The following TMEM120B variants were observed in gnomAD, a reference collection of about 807,000 sequenced individuals.
TMEM120B encodes transmembrane protein 120B.
Under a neutral mutation model 55.5 loss-of-function variants are expected in TMEM120B, and 31 were observed. The observed-to-expected ratio is 0.56, with a 90% confidence interval of 0.42 to 0.75. The LOEUF (loss-of-function observed/expected upper bound fraction) is 0.75, where lower values mean the gene tolerates loss of function less well. TMEM120B is among the 30% of genes least tolerant of loss of function. The pLI is 0.00. For synonymous variants in TMEM120B, 203 were observed against 176.3 expected (o/e 1.15, Z -1.20); for missense variants, 399 against 425.5 (o/e 0.94, Z 0.55).
chr12:121,774,147 G>T (rs1448382295), intron 9 of TMEM120B, among the ~76,000 whole-genome samples: 2 of 151,986 alleles, frequency 1.3e-5, no homozygotes, highest in Non-Finnish European at 2.9e-5. Context: ...GTAGAAATGG[G>T]GTTTCACCTT....
At chr12:121,716,562 TTTC>T (rs1894706722) in intron 1 of TMEM120B, among the ~76,000 whole-genome samples, 2 of 46,724 alleles carry the variant, frequency 4.3e-5, no homozygotes, top group African/African-American at 1.5e-4. Flanking sequence ...TTTTTTTTTC[TTTC>T]TTTTTTTTTT....
intron 9 of TMEM120B, 98 bp downstream of exon 9, chr12:121,773,611 A>T (rs1165230541): frequency 3.3e-6 from 3 of 900,378 alleles, no homozygotes; most frequent in Non-Finnish European, 4.9e-6. Flanking sequence ...CATACAGCGG[A>T]GCCAGGCCGC....
chr12:121,748,477 G>A (rs1873173601), intron 3 of TMEM120B, 35 bp downstream of exon 3: 1 of 1,443,536 alleles, frequency 6.9e-7, no homozygotes, highest in African/African-American at 1.4e-5. Context: ...CCTAGCACAG[G>A]CCCATGCCCA....
intron 2 of TMEM120B, 104 bp from the exon 3 acceptor site, chr12:121,748,222 A>AGAAGGTG (rs1873159896): frequency 1.2e-5 from 5 of 416,260 alleles, no homozygotes; most frequent in Non-Finnish European, 1.2e-5. Flanking sequence ...GGTAGAAGGT[A>AGAAGGTG]GGAGGCACTG....
intron 1 of TMEM120B, among the ~76,000 whole-genome samples, chr12:121,721,506 T>C (rs1894787688): frequency 6.6e-6 from 1 of 151,528 alleles, no homozygotes; most frequent in African/African-American, 2.4e-5. Context: ...AGTTTCACTC[T>C]TGTTGCCCAG....
intron 4 of TMEM120B, 47 bp from the exon 5 acceptor site, chr12:121,752,081 A>C (rs751335249): frequency 1.3e-6 from 2 of 1,530,280 alleles, no homozygotes; most frequent in South Asian, 2.3e-5. Flanking sequence ...CAGGTGCTGG[A>C]ATAGTCATGG....
intron 1 of TMEM120B, 107 bp from the exon 2 acceptor site, chr12:121,743,522 C>T: frequency 1.3e-6 from 1 of 788,356 alleles, no homozygotes; most frequent in East Asian, 2.7e-5. Context: ...CATGCCACTG[C>T]ACTCCAGCCT....
intron 6 of TMEM120B, among the ~76,000 whole-genome samples, chr12:121,765,398 G>A (rs1873816085): frequency 6.6e-6 from 1 of 152,132 alleles, no homozygotes; most frequent in Non-Finnish European, 1.5e-5. Flanking sequence ...CTGAAGTGCT[G>A]GGATTAGAGG....
chr12:121,718,351 A>C (rs1042024277), intron 1 of TMEM120B, among the ~76,000 whole-genome samples: 9 of 152,108 alleles, frequency 5.9e-5, no homozygotes, highest in Non-Finnish European at 1.2e-4. Flanking sequence ...AAACAAAAAA[A>C]AACCTTAGCT....
chr12:121,736,411 G>A (rs1456344501), intron 1 of TMEM120B, among the ~76,000 whole-genome samples: 18 of 150,306 alleles, frequency 1.2e-4, no homozygotes, highest in African/African-American at 2.7e-4. Context: ...CTTGTGATCC[G>A]CCCGCCTTGG....
rs1347342697 is a variant in TMEM120B, at chr12:121,775,966, G to C, written c.*244G>C. On this transcript the variant is annotated 3_prime_UTR_variant, in exon 12 of 12. Transcript: ENST00000449592. The surrounding 1 kb of genome is among the most constrained non-coding windows in gnomAD (Gnocchi z 4.3). ...CTGGAACCCGAGGCCTCACTCCTGT[G>C]CTTGAAGGTGGCTGAGGCCGGGCCA... 5 of 601,754 alleles carry C rather than the reference G, an allele frequency of 8.3e-6. No homozygotes were observed. The highest frequency in any genetic ancestry group is 1.5e-5 in the Non-Finnish European group (5 of 337,668). The allele number at this position is 601,754 out of a possible 1,614,324, so 37.3% of individuals were successfully genotyped here.
intron 5 of TMEM120B, chr12:121,758,850 C>T (rs1367562955): frequency 1.0e-6 from 1 of 977,736 alleles, no homozygotes; most frequent in African/African-American, 1.9e-5. Context: ...TTGTGGTCAC[C>T]ATAGAGGAGG....
chr12:121,739,798 CTTTTTTTTT>C (rs200085137), intron 1 of TMEM120B, among the ~76,000 whole-genome samples: 1 of 99,214 alleles, frequency 1.0e-5, no homozygotes, highest in Non-Finnish European at 1.9e-5. Context: ...TGCAACACTT[CTTTTTTTTT>C]TTTTTTTTTT....
intron 1 of TMEM120B, among the ~76,000 whole-genome samples, chr12:121,736,548 C>T (rs938752839): frequency 1.3e-5 from 2 of 150,984 alleles, no homozygotes; most frequent in Admixed American, 1.3e-4. Flanking sequence ...GCCACCATGC[C>T]CGGCCTTCTT....
At chr12:121,725,249 C>T (rs1162033442) in intron 1 of TMEM120B, among the ~76,000 whole-genome samples, 2 of 152,120 alleles carry the variant, frequency 1.3e-5, no homozygotes, top group Non-Finnish European at 2.9e-5. Flanking sequence ...GTGCCCCCAG[C>T]ACTCTAAGTT....
chr12:121,761,404 C>A (rs1007855129), intron 5 of TMEM120B, among the ~76,000 whole-genome samples: 2 of 152,178 alleles, frequency 1.3e-5, no homozygotes, highest in Non-Finnish European at 2.9e-5. Flanking sequence ...GGAGACTCAG[C>A]TGGAGCTTGA....
intron 3 of TMEM120B, 50 bp downstream of exon 3, chr12:121,748,492 T>C (rs1050242415): frequency 7.8e-7 from 1 of 1,280,970 alleles, no homozygotes; most frequent in East Asian, 2.4e-5. Flanking sequence ...TGCCCAGGCC[T>C]AGCACAGCTG....
At chr12:121,772,091 C>G (rs1874078766) in intron 8 of TMEM120B, among the ~76,000 whole-genome samples, 1 of 147,390 alleles carries the variant, frequency 6.8e-6, no homozygotes, top group Admixed American at 6.7e-5. Flanking sequence ...CTCTTTCTCT[C>G]TCTCTCTCTT....
intron 10 of TMEM120B, 65 bp downstream of exon 10, chr12:121,774,787 C>T (rs971759212): frequency 6.3e-5 from 97 of 1,550,302 alleles, no homozygotes; most frequent in East Asian, 1.4e-4. Flanking sequence ...AGAAGGTCTT[C>T]AGGCCTTGCC....
Sources: allele counts gnomAD v4.1 joint callset (sites outside exome capture counted in the v4.1 genomes callset), GRCh38; gene constraint gnomAD v4.1.1; non-coding constraint Gnocchi (gnomAD v3.1); transcripts MANE v1.5; gene names NCBI Gene and HGNC (gene_info 2026-07-23, HGNC 2026-07-21).